Variants in DOCK2 observed in about 807,000 individuals in gnomAD.
DOCK2 encodes dedicator of cytokinesis protein 2.
DOCK2 carries 87 observed loss-of-function variants against 248.9 expected under a neutral mutation model. That is an observed-to-expected ratio of 0.35 (90% CI 0.29 to 0.42). The LOEUF (loss-of-function observed/expected upper bound fraction) is 0.42, where lower values mean the gene tolerates loss of function less well. Among genes scored for constraint, DOCK2 ranks in the 10% least tolerant of loss-of-function variants. The pLI, the probability that DOCK2 is intolerant of heterozygous loss-of-function variation, is 1.00. For missense variants in DOCK2, 1,747 were observed against 2,300.2 expected, an observed-to-expected ratio of 0.76 and a Z score of 4.92; for synonymous variants, 805 against 821.6, an observed-to-expected ratio of 0.98 and a Z score of 0.35.
At chr5:169,738,391 T>C (rs1007937335) in intron 22 of DOCK2, among the ~76,000 whole-genome samples, 4 of 152,176 alleles carry the variant, frequency 2.6e-5, no homozygotes, top group African/African-American at 9.7e-5. Flanking sequence ...TCCATGGTAC[T>C]GATGAAGATG....
intron 27 of DOCK2, among the ~76,000 whole-genome samples, chr5:169,915,568 ACACAC>A (rs1276770113): frequency 7.0e-6 from 1 of 143,872 alleles, no homozygotes; most frequent in Non-Finnish European, 1.6e-5. Flanking sequence ...ACACACACAC[ACACAC>A]ACACACACAC....
chr5:169,808,489 A>G (rs1253844004), intron 26 of DOCK2, among the ~76,000 whole-genome samples: 1 of 151,932 alleles, frequency 6.6e-6, no homozygotes. Flanking sequence ...ATAGTGTTGA[A>G]TTCCCTCACC....
chr5:170,009,366 C>T (rs562776028), intron 32 of DOCK2, among the ~76,000 whole-genome samples: 15 of 152,176 alleles, frequency 9.9e-5, no homozygotes, highest in African/African-American at 3.4e-4. Flanking sequence ...AATTGTTCCC[C>T]CATCCTTTTA....
At position 169,764,245 on chromosome 5, in the gene DOCK2, G is replaced by A. The variant is rs17645503; in HGVS notation, c.2554+2620G>A. On this transcript the variant is annotated intron_variant, in intron 25 of 51. Transcript: ENST00000520908. This position sits in a 1 kb window ranked among gnomAD's most constrained non-coding sequence, Gnocchi z 4.3. ...GGAGTATTTTCAGTGACAGTTGCTTGTACTCACAGCCTTGAACATTTGTAT... is the reference window on the plus strand; with the variant it reads ...GGAGTATTTTCAGTGACAGTTGCTTATACTCACAGCCTTGAACATTTGTAT... Among the ~76,000 whole-genome samples, 6,559 of 152,256 alleles carry A rather than the reference G, an allele frequency of 0.043. 185 individuals are homozygous for A. Among genetic ancestry groups the A allele is most frequent in the Non-Finnish European group, 0.06 (4,054 of 68,020 alleles).
intron 22 of DOCK2, among the ~76,000 whole-genome samples, chr5:169,725,511 CT>C (rs34444388): frequency 1.3e-5 from 2 of 151,122 alleles, no homozygotes; most frequent in African/African-American, 2.4e-5. Flanking sequence ...TATTATTTTT[CT>C]TTTTTAAAAT....
In DOCK2 at chr5:169,698,473, C is replaced by T. The variant is rs756316674; in HGVS notation, c.1055+24C>T. ...CCGTAAGACATTTCCCATTTCTTTC[C>T]ATTCTCTTCAACCACACCCTTTGTC... On this transcript the variant is annotated intron_variant, in intron 11 of 51. Coordinates refer to ENST00000520908, the MANE Select transcript of DOCK2 (RefSeq NM_004946.3). 7.4e-6 allele frequency: 12 copies of T among 1,612,198 alleles called. No individual in the cohort carries two copies. The South Asian group carries it at 1.2e-4, about 16-fold the overall frequency.
chr5:169,872,188 G>C (rs1015238943), intron 27 of DOCK2, among the ~76,000 whole-genome samples: 4 of 152,130 alleles, frequency 2.6e-5, no homozygotes, highest in African/African-American at 7.2e-5. Context: ...TGTTTCTACA[G>C]AACCCAGGTG....
At chr5:170,031,799 T>G (rs904295128) in intron 34 of DOCK2, among the ~76,000 whole-genome samples, 1 of 152,172 alleles carries the variant, frequency 6.6e-6, no homozygotes, top group Non-Finnish European at 1.5e-5. Flanking sequence ...TCTTGCTCCA[T>G]GCATAAAGAA....
chr5:169,716,194 C>A lies in DOCK2; in HGVS notation c.1942-19C>A. The A allele has an allele frequency of 1.9e-6, 3 of 1,611,360 alleles. No homozygotes were observed. The highest frequency in any genetic ancestry group is 1.1e-5 in the South Asian group (1 of 90,990). On this transcript the variant is annotated intron_variant, in intron 19 of 51. Transcript: ENST00000520908. ...TTGTCTTGTTTCTGAAGTAGTGCAA[C>A]CTTTGTTATTTCTTCCAGTTTCTCC...
chr5:170,065,401 C>T (rs1042224759), intron 44 of DOCK2, among the ~76,000 whole-genome samples: 1 of 152,106 alleles, frequency 6.6e-6, no homozygotes, highest in Admixed American at 6.5e-5. Context: ...AAGTCCTTAC[C>T]TATCAGTAAT....
chr5:169,650,864 C>T (rs1757765627), intron 1 of DOCK2, among the ~76,000 whole-genome samples: 1 of 152,118 alleles, frequency 6.6e-6, no homozygotes, highest in Non-Finnish European at 1.5e-5. Context: ...CAGTATTCCC[C>T]AGGGCTTGGC....
intron 27 of DOCK2, among the ~76,000 whole-genome samples, chr5:169,896,813 G>A (rs1280145036): frequency 1.3e-5 from 2 of 152,192 alleles, no homozygotes; most frequent in East Asian, 3.8e-4. Context: ...TAATGTAGAA[G>A]AGGATAAATG....
intron 32 of DOCK2, among the ~76,000 whole-genome samples, chr5:170,012,528 G>A (rs1485676691): frequency 1.3e-5 from 2 of 152,126 alleles, no homozygotes; most frequent in East Asian, 3.9e-4. Context: ...TATAATCTCA[G>A]GCTTGAAGAT....
chr5:169,758,094 T>G (rs977329798), intron 23 of DOCK2, among the ~76,000 whole-genome samples: 1 of 152,180 alleles, frequency 6.6e-6, no homozygotes, highest in East Asian at 1.9e-4. Flanking sequence ...TAATAAAAAT[T>G]GACAATAGCA....
chr5:169,676,632 A>G (rs116495663), intron 6 of DOCK2, among the ~76,000 whole-genome samples: 2,464 of 152,202 alleles, frequency 0.016, 39 homozygotes, highest in East Asian at 0.031. Context: ...CAGCTTCCTC[A>G]AATCCAGGAG....
intron 26 of DOCK2, among the ~76,000 whole-genome samples, chr5:169,806,018 C>G (rs1483954399): frequency 6.6e-6 from 1 of 152,154 alleles, no homozygotes; most frequent in Non-Finnish European, 1.5e-5. Flanking sequence ...AGCTTCACAT[C>G]TCACCTCTCC....
intron 22 of DOCK2, among the ~76,000 whole-genome samples, chr5:169,725,257 G>A (rs1762409826): frequency 6.6e-6 from 1 of 152,180 alleles, no homozygotes; most frequent in South Asian, 2.1e-4. Flanking sequence ...ACTATTTTAT[G>A]ATAGCATTAA....
At chr5:169,879,244 T>C (rs1772499910) in intron 27 of DOCK2, among the ~76,000 whole-genome samples, 1 of 152,172 alleles carries the variant, frequency 6.6e-6, no homozygotes, top group Non-Finnish European at 1.5e-5. Context: ...GCATCCATCA[T>C]CGGGGAGAGA....
At chr5:170,073,998 T>A (rs1757761764) in intron 46 of DOCK2, among the ~76,000 whole-genome samples, 2 of 152,132 alleles carry the variant, frequency 1.3e-5, no homozygotes, top group African/African-American at 2.4e-5. Context: ...TAGTTCGCTG[T>A]TCTTTTACTA....
Sources: gnomAD v4.1 joint callset for allele counts (sites outside exome capture counted in the v4.1 genomes callset) on GRCh38, gnomAD v4.1.1 for gene constraint, Gnocchi (gnomAD v3.1) non-coding constraint, MANE v1.5 for transcripts, NCBI Gene and HGNC (gene_info 2026-07-23, HGNC 2026-07-21) for gene names.